The following RAB27A variants were observed in gnomAD, a reference collection of about 807,000 sequenced individuals.
RAB27A encodes RAB27A, member RAS oncogene family, also known as ras-related protein Rab-27A.
A neutral mutation model predicts 20.8 loss-of-function variants in RAB27A; 17 were observed. That is an observed-to-expected ratio of 0.82 (90% CI 0.56 to 1.23). The LOEUF (loss-of-function observed/expected upper bound fraction) is 1.23, where lower values mean the gene tolerates loss of function less well. Among genes scored for constraint, RAB27A ranks in the 50% most tolerant of loss-of-function variants. The pLI is 0.00. For synonymous variants in RAB27A, 85 were observed against 92.8 expected (o/e 0.92, Z 0.48); for missense variants, 277 against 266.7 (o/e 1.04, Z -0.27).
chr15:55,237,142 T>G (rs1595702466), intron 2 of RAB27A, among the ~76,000 whole-genome samples: 1 of 152,202 alleles, frequency 6.6e-6, no homozygotes, highest in South Asian at 2.1e-4. Context: ...TGCTACTGAC[T>G]CCCGGCGTTA....
rs1427009418 is a variant in RAB27A at position 55,204,951 on chromosome 15, C to G, written c.*556G>C. 6.0e-6 allele frequency: 1 copy of G among 167,762 alleles called. No individual in the cohort carries two copies. Among genetic ancestry groups the G allele is most frequent in the Non-Finnish European group, 1.3e-5 (1 of 77,196 alleles). 10.4% of individuals were successfully genotyped at this position (167,762 alleles called of 1,614,324 possible). A position where few individuals can be genotyped will look rare whatever the true frequency, so the allele number is the denominator to read the frequency against. On this transcript the variant is annotated 3_prime_UTR_variant, in exon 7 of 7. Transcript: ENST00000336787. ...TCTATAGATATAGCCATGATTTGTC[C>G]TATATTCATGTTAAATAGAATGCTT...
intron 1 of RAB27A, among the ~76,000 whole-genome samples, chr15:55,282,512 C>T (rs762865313): frequency 7.2e-5 from 11 of 152,164 alleles, no homozygotes; most frequent in African/African-American, 2.4e-4. Context: ...CCCAGAGAAG[C>T]TCTAGTGAAG....
intron 6 of RAB27A, among the ~76,000 whole-genome samples, chr15:55,223,115 G>A (rs1463542867): frequency 6.6e-6 from 1 of 152,102 alleles, no homozygotes; most frequent in African/African-American, 2.4e-5. Context: ...TCCTCTCCCA[G>A]AATAGAAATT....
chr15:55,249,647 C>G (rs1025309541), intron 2 of RAB27A, among the ~76,000 whole-genome samples: 3 of 152,154 alleles, frequency 2.0e-5, no homozygotes, highest in Admixed American at 2.0e-4. Flanking sequence ...TAGTTGGATG[C>G]AAAATTACAT....
Position 55,301,735 on chromosome 15 carries a change from C to T in RAB27A, c.-112+12304G>A, listed in dbSNP as rs369347869. Among the ~76,000 whole-genome samples, 16 of 151,474 alleles carry T rather than the reference C, an allele frequency of 1.1e-4. 1 individual carries two copies. Among genetic ancestry groups the T allele is most frequent in the Admixed American group, 6.6e-4 (10 of 15,212 alleles). On this transcript the variant is annotated intron_variant, in intron 2 of 5. Transcript: ENST00000563262. ...TCTTGGCTCACTGCATCCTCCAGCC[C>T]CCTGGGTTCAAGCAATTCTCCTCCC...
intron 2 of RAB27A, among the ~76,000 whole-genome samples, chr15:55,301,757 T>A (rs552210154): frequency 6.7e-6 from 1 of 148,358 alleles, no homozygotes; most frequent in South Asian, 2.2e-4. Context: ...GCAATTCTCC[T>A]CCCTCAACGT....
intron 5 of RAB27A, among the ~76,000 whole-genome samples, chr15:55,226,646 G>C (rs1372898236): frequency 6.6e-6 from 1 of 151,958 alleles, no homozygotes; most frequent in Non-Finnish European, 1.5e-5. Flanking sequence ...GAGGCGCGTG[G>C]ATCACCTGAG....
intron 2 of RAB27A, among the ~76,000 whole-genome samples, chr15:55,264,328 T>C (rs948236533): frequency 6.6e-6 from 1 of 152,138 alleles, no homozygotes; most frequent in Admixed American, 6.6e-5. Context: ...TGGGATTACT[T>C]TGGGTGTGAG....
intron 2 of RAB27A, among the ~76,000 whole-genome samples, chr15:55,309,305 C>G (rs1391521741): frequency 4.6e-5 from 7 of 152,148 alleles, no homozygotes; most frequent in Non-Finnish European, 2.9e-5. Flanking sequence ...GGCCCTGGTG[C>G]CTTTGGATAA....
intron 1 of RAB27A, among the ~76,000 whole-genome samples, chr15:55,274,794 T>TATATATATATATATA (rs1897805753): frequency 1.3e-4 from 7 of 52,152 alleles, no homozygotes; most frequent in Non-Finnish European, 2.2e-4. Flanking sequence ...AATAAATAAA[T>TATATATATATATATA]TATATATATA....
At chr15:55,260,687 G>C (rs886431283) in intron 2 of RAB27A, among the ~76,000 whole-genome samples, 4 of 152,190 alleles carry the variant, frequency 2.6e-5, no homozygotes, top group Admixed American at 2.6e-4. Flanking sequence ...AAGCCAATCT[G>C]TATGATTCCA....
intron 2 of RAB27A, among the ~76,000 whole-genome samples, chr15:55,235,387 G>A (rs192606136): frequency 1.3e-3 from 194 of 152,184 alleles, no homozygotes; most frequent in Middle Eastern, 6.8e-3. Flanking sequence ...GGTGGAGGTT[G>A]CAGTGAGCCA....
intron 4 of RAB27A, 52 bp from the exon 5 acceptor site, chr15:55,228,764 A>G (rs1451837556): frequency 8.7e-6 from 11 of 1,271,304 alleles, no homozygotes; most frequent in Non-Finnish European, 1.2e-5. Context: ...CACTCCTGAA[A>G]TATAAAACTA....
upstream of RAB27A, among the ~76,000 whole-genome samples, chr15:55,292,959 G>GA (rs1209145009): frequency 6.6e-6 from 1 of 152,184 alleles, no homozygotes; most frequent in African/African-American, 2.4e-5. Flanking sequence ...AGAGAGGTAG[G>GA]AAGAAAACAA....
chr15:55,226,006 A>G (rs1258246334), intron 5 of RAB27A, among the ~76,000 whole-genome samples: 1 of 152,210 alleles, frequency 6.6e-6, no homozygotes. Context: ...AGGTGTGGAA[A>G]GGGTTTTTCA....
chr15:55,209,833 T>C lies in RAB27A; in HGVS notation c.468-4128A>G, dbSNP rs1348998704. On this transcript the variant is annotated intron_variant, in intron 6 of 6. Transcript: ENST00000336787. Reference sequence around the variant, plus strand: ...ACACACATGTGTGTATATATACATATATGTGTGTACACATATATGTGTGTA... The same window carrying C: ...ACACACATGTGTGTATATATACATACATGTGTGTACACATATATGTGTGTA... Among the ~76,000 whole-genome samples the C allele has an allele frequency of 3.2e-5, 4 of 124,674 alleles. No individual in the cohort carries two copies. The East Asian group carries it at 6.4e-4, about 20-fold the overall frequency. 81.8% of individuals were successfully genotyped at this position (124,674 alleles called of 152,430 possible). A position where few individuals can be genotyped will look rare whatever the true frequency, so the allele number is the denominator to read the frequency against.
At chr15:55,249,335 C>T (rs899893187) in intron 2 of RAB27A, among the ~76,000 whole-genome samples, 2 of 152,146 alleles carry the variant, frequency 1.3e-5, no homozygotes, top group African/African-American at 4.8e-5. Flanking sequence ...AGTGCACTGG[C>T]GCAATTATGT....
At chr15:55,220,844 C>T (rs1321990992) in intron 6 of RAB27A, among the ~76,000 whole-genome samples, 1 of 152,152 alleles carries the variant, frequency 6.6e-6, no homozygotes. Context: ...ATTTTTCCAT[C>T]ATATTTTCCT....
At chr15:55,315,151 G>A (rs1482501044) in intron 1 of RAB27A, among the ~76,000 whole-genome samples, 1 of 152,124 alleles carries the variant, frequency 6.6e-6, no homozygotes, top group Non-Finnish European at 1.5e-5. Context: ...AGAAAAACAA[G>A]CAATGGGGAA....
Sources: allele counts gnomAD v4.1 joint callset (sites outside exome capture counted in the v4.1 genomes callset), GRCh38; gene constraint gnomAD v4.1.1; transcripts MANE v1.5; gene names NCBI Gene and HGNC (gene_info 2026-07-23, HGNC 2026-07-21).